Variants in CAST observed in about 807,000 individuals in gnomAD.
CAST encodes MIR583 host.
CAST carries 76 observed loss-of-function variants against 119.6 expected under a neutral mutation model. That is an observed-to-expected ratio of 0.64 (90% CI 0.53 to 0.77). The LOEUF (loss-of-function observed/expected upper bound fraction) is 0.77. Ranked by LOEUF, CAST falls within the 30% of genes least tolerant of loss-of-function variation. The pLI is 0.00. For missense variants in CAST, 953 were observed against 946.5 expected (o/e 1.01, Z -0.09); for synonymous variants, 319 against 331.6 (o/e 0.96, Z 0.41).
the CAST span, among the ~76,000 whole-genome samples, chr5:95,993,587 G>A: frequency 6.6e-6 from 1 of 151,898 alleles, no homozygotes; most frequent in East Asian, 1.9e-4. Context: ...GGTTAAGAAA[G>A]GATTTCTTAA....
chr5:96,019,512 C>T, the CAST span, among the ~76,000 whole-genome samples: 651 of 152,260 alleles, frequency 4.3e-3, 5 homozygotes, highest in African/African-American at 0.014. Context: ...ATCTAGATCA[C>T]TCGGATGGTC....
At chr5:96,288,679 A>G in the CAST span, among the ~76,000 whole-genome samples, 1 of 152,288 alleles carries the variant, frequency 6.6e-6, no homozygotes, top group South Asian at 2.1e-4. Context: ...TTGCAAGAAC[A>G]AGTAAAGTGC....
At chr5:96,738,938 A>AC in intron 11 of CAST, among the ~76,000 whole-genome samples, 1 of 149,198 alleles carries the variant, frequency 6.7e-6, no homozygotes, top group Non-Finnish European at 1.5e-5. Context: ...TCCATCTCAA[A>AC]AAAAAAAAAA....
chr5:96,145,673 C>G, the CAST span, among the ~76,000 whole-genome samples: 5 of 152,186 alleles, frequency 3.3e-5, no homozygotes, highest in Admixed American at 3.3e-4. Flanking sequence ...TAGTACTTTT[C>G]AAAAACAATA....
At chr5:96,250,818 A>G in the CAST span, among the ~76,000 whole-genome samples, 1 of 152,202 alleles carries the variant, frequency 6.6e-6, no homozygotes, top group Non-Finnish European at 1.5e-5. Context: ...ATAGGACTAC[A>G]TCTGTCTCTG....
chr5:96,621,958 TC>T (rs1478587283), intron 1 of CAST, among the ~76,000 whole-genome samples: 201 of 135,814 alleles, frequency 1.5e-3, no homozygotes, highest in African/African-American at 5.5e-3. Context: ...TCTTTTTTTT[TC>T]TTTTTTTCTC....
chr5:96,730,921 G>A, intron 9 of CAST, 61 bp downstream of exon 9: 1 of 1,239,290 alleles, frequency 8.1e-7, no homozygotes, highest in South Asian at 1.2e-5. Flanking sequence ...TCTTTTATGA[G>A]AAACGTATGC....
chr5:96,662,090 G>A (rs565934362), upstream of CAST: 70 of 264,098 alleles, frequency 2.7e-4, no homozygotes, highest in Middle Eastern at 1.1e-3. Context: ...ATCGAAGGAG[G>A]AACGCTGCAA....
intron 1 of CAST, among the ~76,000 whole-genome samples, chr5:96,670,192 G>A (rs777275181): frequency 2.0e-5 from 3 of 151,994 alleles, no homozygotes; most frequent in East Asian, 3.9e-4. Flanking sequence ...ATACTATCTC[G>A]ATGAAATTGT....
the CAST span, among the ~76,000 whole-genome samples, chr5:96,210,507 G>C: frequency 6.6e-6 from 1 of 151,896 alleles, no homozygotes; most frequent in African/African-American, 2.4e-5. Context: ...ATATTTGTTT[G>C]GCTCTATTTC....
intron 18 of CAST, among the ~76,000 whole-genome samples, chr5:96,747,776 G>A (rs989335259): frequency 7.2e-5 from 11 of 152,018 alleles, no homozygotes; most frequent in Non-Finnish European, 1.3e-4. Flanking sequence ...TTTATTAATC[G>A]CTTGCTATGC....
At chr5:96,367,679 A>G in the CAST span, among the ~76,000 whole-genome samples, 2 of 152,118 alleles carry the variant, frequency 1.3e-5, no homozygotes, top group Non-Finnish European at 2.9e-5. Context: ...GGAAAAGCAC[A>G]GTATTAGGGT....
chr5:96,026,091 G>C, the CAST span, among the ~76,000 whole-genome samples: 6 of 152,160 alleles, frequency 3.9e-5, no homozygotes, highest in Non-Finnish European at 8.8e-5. Context: ...TAAAAAATTA[G>C]CCAGGCATGG....
At chr5:96,694,001 T>C (rs959890191) in intron 2 of CAST, among the ~76,000 whole-genome samples, 2 of 152,262 alleles carry the variant, frequency 1.3e-5, no homozygotes, top group South Asian at 4.1e-4. Context: ...AGTGGACACA[T>C]AGAGATTGTG....
At chr5:96,381,206 A>G in the CAST span, among the ~76,000 whole-genome samples, 1 of 152,200 alleles carries the variant, frequency 6.6e-6, no homozygotes, top group Admixed American at 6.5e-5. Context: ...TCTCATTAAC[A>G]TTATGTTTTG....
chr5:96,431,972 C>CT, the CAST span: 1 of 740,082 alleles, frequency 1.4e-6, no homozygotes, highest in East Asian at 2.7e-5. Flanking sequence ...TATAAGCAGT[C>CT]TCCCACTTAA....
intron 1 of CAST, among the ~76,000 whole-genome samples, chr5:96,581,237 CA>C (rs1561422095): frequency 6.6e-6 from 1 of 151,764 alleles, no homozygotes; most frequent in Non-Finnish European, 1.5e-5. Flanking sequence ...ACAAGTTAAC[CA>C]AAAAGAGAAA....
the CAST span, among the ~76,000 whole-genome samples, chr5:96,062,380 A>G: frequency 3.3e-5 from 5 of 152,162 alleles, no homozygotes; most frequent in African/African-American, 1.2e-4. Flanking sequence ...CCATCATTGT[A>G]TAGTGCTGTG....
the CAST span, among the ~76,000 whole-genome samples, chr5:96,282,868 G>A: frequency 6.6e-6 from 1 of 151,982 alleles, no homozygotes; most frequent in Non-Finnish European, 1.5e-5. Flanking sequence ...GGTGGCTCAC[G>A]CTTGTAATCC....
Sources: allele counts gnomAD v4.1 joint callset (sites outside exome capture counted in the v4.1 genomes callset), GRCh38; gene constraint gnomAD v4.1.1; transcripts MANE v1.5; gene names NCBI Gene and HGNC (gene_info 2026-07-23, HGNC 2026-07-21).